Variants in ROR2 observed in about 807,000 individuals in gnomAD.
ROR2 encodes tyrosine-protein kinase transmembrane receptor ROR2.
ROR2 carries 33 observed loss-of-function variants against 74.9 expected under a neutral mutation model. The observed-to-expected ratio is 0.44, with a 90% CI of 0.33 to 0.59. The LOEUF is 0.59. Ranked by LOEUF, ROR2 falls within the 20% of genes least tolerant of loss-of-function variation. The pLI is 0.02. For synonymous variants in ROR2, 586 were observed against 558.7 expected, an observed-to-expected ratio of 1.05 and a Z score of -0.69; for missense variants, 1,216 against 1,313.8, an observed-to-expected ratio of 0.93 and a Z score of 1.15.
At chr9:91,766,724 T>C (rs1826069210) in intron 2 of ROR2, among the ~76,000 whole-genome samples, 1 of 152,204 alleles carries the variant, frequency 6.6e-6, no homozygotes, top group Non-Finnish European at 1.5e-5. Context: ...CATTCCTTTG[T>C]AGCTGCCCTA....
chr9:91,814,407 G>C (rs1827858994), intron 1 of ROR2, among the ~76,000 whole-genome samples: 1 of 152,098 alleles, frequency 6.6e-6, no homozygotes, highest in African/African-American at 2.4e-5. Context: ...ACACTCCAGG[G>C]AGAAGAGCGG....
At chr9:91,892,435 G>C (rs1467331200) in intron 1 of ROR2, among the ~76,000 whole-genome samples, 1 of 152,148 alleles carries the variant, frequency 6.6e-6, no homozygotes, top group Non-Finnish European at 1.5e-5. Flanking sequence ...CATTTGTTAA[G>C]TGGGGTAACT....
rs1171715914 is a variant in ROR2 at position 91,950,155 on chromosome 9, G to A, written c.-192C>T. The A allele has an allele frequency of 1.3e-5, 5 of 376,346 alleles. No homozygotes were observed. The highest frequency in any genetic ancestry group is 2.3e-5 in the Non-Finnish European group (5 of 214,520). The allele number at this position is 376,346 out of a possible 1,614,324, so 23.3% of individuals were successfully genotyped here. On this transcript the variant is annotated 5_prime_UTR_variant, in exon 1 of 9. Transcript: ENST00000375708. Reference sequence around the variant, plus strand: ...GCCGCTCGGCTCCGGCCACGGCAAGGGCTGGCTGGGGAGGTTCCTTGGCGC... The same window carrying A: ...GCCGCTCGGCTCCGGCCACGGCAAGAGCTGGCTGGGGAGGTTCCTTGGCGC...
chr9:91,902,440 C>T (rs1441356526), intron 1 of ROR2, among the ~76,000 whole-genome samples: 2 of 152,000 alleles, frequency 1.3e-5, no homozygotes, highest in Admixed American at 1.3e-4. Flanking sequence ...CAGGGCCTTC[C>T]CACGCCTCAG....
intron 1 of ROR2, among the ~76,000 whole-genome samples, chr9:91,813,362 T>C (rs1827822038): frequency 1.3e-5 from 2 of 152,342 alleles, no homozygotes; most frequent in South Asian, 2.1e-4. Flanking sequence ...AATGTATTTA[T>C]ACTCTTGGTA....
In ROR2 at chr9:91,762,358, A is replaced by AT. The variant is rs536890828; in HGVS notation, c.176-4800dup. Reference sequence around the variant, plus strand: ...ACAGTTTCTGAGTTGATTGCCTTGGATTTTCCACATAGATACCATCTTCCT... The same window carrying AT: ...ACAGTTTCTGAGTTGATTGCCTTGGATTTTTCCACATAGATACCATCTTCCT... On this transcript the variant is annotated intron_variant, in intron 2 of 8. Coordinates refer to ENST00000375708, the MANE Select transcript of ROR2 (RefSeq NM_004560.4). 2.0e-3 allele frequency among the ~76,000 whole-genome samples: 311 copies of AT among 152,240 alleles called. 2 individuals carry two copies. Among genetic ancestry groups the AT allele is most frequent in the Non-Finnish European group, 3.6e-3 (242 of 68,010 alleles).
At chr9:91,832,367 CAAA>C (rs10677451) in intron 1 of ROR2, among the ~76,000 whole-genome samples, 29 of 38,328 alleles carry the variant, frequency 7.6e-4, no homozygotes, top group South Asian at 1.8e-3. Context: ...GTCACAATGG[CAAA>C]AAAAAAAAAA....
intron 7 of ROR2, 145 bp from the exon 8 acceptor site, chr9:91,726,888 C>T: frequency 1.3e-6 from 1 of 778,894 alleles, no homozygotes; most frequent in Admixed American, 2.1e-5. Context: ...TAAAAGGGCA[C>T]ACCACACCTT....
intron 1 of ROR2, among the ~76,000 whole-genome samples, chr9:91,833,665 C>T (rs1410949202): frequency 6.6e-6 from 1 of 152,160 alleles, no homozygotes; most frequent in Admixed American, 6.5e-5. Flanking sequence ...CCTCGAGCTG[C>T]CTGCACTCCT....
intron 1 of ROR2, among the ~76,000 whole-genome samples, chr9:91,938,060 G>A (rs10115684): frequency 0.31 from 46,825 of 152,090 alleles, 12,795 homozygotes; most frequent in African/African-American, 0.72. Context: ...CCTTGTTAGA[G>A]TAAATAAGTA....
chr9:91,791,545 A>G (rs1230649450), intron 1 of ROR2, among the ~76,000 whole-genome samples: 2 of 152,248 alleles, frequency 1.3e-5, no homozygotes, highest in Admixed American at 6.5e-5. Flanking sequence ...CCATCAATCT[A>G]TTATAAATGT....
chr9:91,928,733 G>A (rs376281558), intron 1 of ROR2, among the ~76,000 whole-genome samples: 1 of 152,112 alleles, frequency 6.6e-6, no homozygotes. Context: ...TAAAAAGCAG[G>A]GCAGATCCTG....
Position 91,949,906 on chromosome 9 carries a change from C to G in ROR2, c.58G>C (p.Ala20Pro). 6.5e-7 allele frequency: 1 copy of G among 1,539,942 alleles called. No individual in the cohort carries two copies. Among genetic ancestry groups the G allele is most frequent in the East Asian group, 2.5e-5 (1 of 40,330 alleles). ...RPLLCIPAVW[A>P]AAALLLSVSR... is the part of the protein sequence containing the mutation. ...ACTGAGAGCAGAAGCGCGGCGGCCGCCCAGACGGCCGGGATGCACAGCAGC... is the reference window on the plus strand; with the variant it reads ...ACTGAGAGCAGAAGCGCGGCGGCCGGCCAGACGGCCGGGATGCACAGCAGC... Residue 20 changes from alanine (A) to proline (P), a missense_variant, in exon 1 of 9, where the codon GCG becomes CCG. Ala to Pro is a conservative substitution (Grantham distance 27). Coordinates refer to ENST00000375708, the MANE Select transcript of ROR2 (RefSeq NM_004560.4).
At chr9:91,740,824 T>C (rs1229584922) in intron 4 of ROR2, among the ~76,000 whole-genome samples, 1 of 152,074 alleles carries the variant, frequency 6.6e-6, no homozygotes, top group African/African-American at 2.4e-5. Flanking sequence ...ATAAAATTCC[T>C]TCAGCAACGT....
chr9:91,841,908 T>C (rs778882901), intron 1 of ROR2, among the ~76,000 whole-genome samples: 11 of 152,246 alleles, frequency 7.2e-5, no homozygotes, highest in Middle Eastern at 3.4e-3. Flanking sequence ...ACCATGAGAG[T>C]CATCTCTGTC....
At chr9:91,894,227 C>CACT (rs1488905471) in intron 1 of ROR2, among the ~76,000 whole-genome samples, 2 of 152,226 alleles carry the variant, frequency 1.3e-5, no homozygotes. Context: ...TGGCCACTCC[C>CACT]TCTACCAAGA....
chr9:91,824,996 C>A (rs1433032784), intron 1 of ROR2, among the ~76,000 whole-genome samples: 1 of 152,230 alleles, frequency 6.6e-6, no homozygotes, highest in Non-Finnish European at 1.5e-5. Flanking sequence ...GGCTTGGGTC[C>A]TGTTCCCAAG....
intron 4 of ROR2, among the ~76,000 whole-genome samples, chr9:91,742,581 T>C (rs1402324696): frequency 6.6e-6 from 1 of 152,250 alleles, no homozygotes; most frequent in Non-Finnish European, 1.5e-5. Flanking sequence ...ACGATGTTTT[T>C]GGTTAACAGC....
At chr9:91,772,318 A>T (rs1826258590) in intron 2 of ROR2, among the ~76,000 whole-genome samples, 1 of 152,196 alleles carries the variant, frequency 6.6e-6, no homozygotes, top group Non-Finnish European at 1.5e-5. Flanking sequence ...GATGCTAACA[A>T]ATGGCGCCAG....
Sources: gnomAD v4.1 joint callset for allele counts (sites outside exome capture counted in the v4.1 genomes callset) on GRCh38, gnomAD v4.1.1 for gene constraint, MANE v1.5 for transcripts, NCBI Gene and HGNC (gene_info 2026-07-23, HGNC 2026-07-21) for gene names.